Variants in NLRP14 observed in about 807,000 individuals in gnomAD.
NLRP14 encodes the protein NACHT, LRR and PYD domains-containing protein 14.
In NLRP14, 105 loss-of-function variants were observed where a neutral mutation model predicts 94.7. The observed-to-expected ratio is 1.11, with a 90% confidence interval of 0.95 to 1.30. The LOEUF is 1.30. NLRP14 is among the 50% of genes most tolerant of loss of function. The probability of loss-of-function intolerance (pLI) is 0.00; values close to 1 mark genes in which losing one functional copy is unlikely to be tolerated. For synonymous variants in NLRP14, 508 were observed against 459.9 expected (o/e 1.10, Z -1.34); for missense variants, 1,362 against 1,254.1 (o/e 1.09, Z -1.30).
intron 1 of NLRP14, among the ~76,000 whole-genome samples, chr11:7,027,189 C>G (rs1852028624): frequency 6.6e-6 from 1 of 151,420 alleles, no homozygotes; most frequent in Non-Finnish European, 1.5e-5. Context: ...TTCCCATCAT[C>G]AAGTATGCTG....
At chr11:7,086,481 C>T in the NLRP14 span, among the ~76,000 whole-genome samples, 1 of 152,210 alleles carries the variant, frequency 6.6e-6, no homozygotes, top group Non-Finnish European at 1.5e-5. Flanking sequence ...GTGTGGGCTT[C>T]AACAATCTTG....
the NLRP14 span, among the ~76,000 whole-genome samples, chr11:7,086,227 A>G: frequency 6.6e-6 from 1 of 152,220 alleles, no homozygotes; most frequent in Non-Finnish European, 1.5e-5. Flanking sequence ...GCTTTTGACA[A>G]TAACTATCCT....
At chr11:7,089,847 T>A in the NLRP14 span, 20 of 1,611,766 alleles carry the variant, frequency 1.2e-5, no homozygotes, top group East Asian at 4.5e-4. Flanking sequence ...CCACCGCGAT[T>A]ACGGCCACTC....
chr11:7,088,122 G>T, the NLRP14 span, among the ~76,000 whole-genome samples: 2 of 152,126 alleles, frequency 1.3e-5, no homozygotes, highest in Non-Finnish European at 2.9e-5. Context: ...AAATAAGAAA[G>T]AACTTTGTCC....
At chr11:7,077,558 A>G in the NLRP14 span, among the ~76,000 whole-genome samples, 1 of 152,372 alleles carries the variant, frequency 6.6e-6, no homozygotes, top group African/African-American at 2.4e-5. Flanking sequence ...GTCCGTTTTC[A>G]GGCTGCAGAT....
intron 1 of NLRP14, among the ~76,000 whole-genome samples, chr11:7,032,897 A>T (rs900490621): frequency 6.6e-6 from 1 of 152,176 alleles, no homozygotes; most frequent in African/African-American, 2.4e-5. Context: ...CCAAGTGTTC[A>T]CTCATGTAAA....
chr11:7,027,691 T>G (rs1314945212), intron 1 of NLRP14, among the ~76,000 whole-genome samples: 1 of 152,150 alleles, frequency 6.6e-6, no homozygotes, highest in Non-Finnish European at 1.5e-5. Context: ...CTTCCAGTCT[T>G]TTTTGGCCTA....
chr11:7,048,987 G>A (rs1411212216), intron 5 of NLRP14, among the ~76,000 whole-genome samples: 1 of 150,834 alleles, frequency 6.6e-6, no homozygotes, highest in Non-Finnish European at 1.5e-5. Flanking sequence ...ATTTTCCTGT[G>A]TGTACTTGCC....
At chr11:7,089,373 A>C in the NLRP14 span, 1 of 1,604,556 alleles carries the variant, frequency 6.2e-7, no homozygotes, top group Admixed American at 1.7e-5. Flanking sequence ...GGCCCAGGCC[A>C]CCAAACCGGC....
At chr11:7,055,217 G>C (rs142244782) in intron 6 of NLRP14, among the ~76,000 whole-genome samples, 1 of 152,010 alleles carries the variant, frequency 6.6e-6, no homozygotes, top group East Asian at 1.9e-4. Context: ...GATTCACCTT[G>C]GTTTAGAATA....
chr11:7,063,139 A>G (rs1374510937), intron 10 of NLRP14, among the ~76,000 whole-genome samples: 2 of 152,038 alleles, frequency 1.3e-5, no homozygotes, highest in African/African-American at 2.4e-5. Flanking sequence ...ATTTCCATTG[A>G]CTATATATTT....
chr11:7,075,428 C>T (rs771361875), downstream of NLRP14, among the ~76,000 whole-genome samples: 1 of 151,920 alleles, frequency 6.6e-6, no homozygotes, highest in Non-Finnish European at 1.5e-5. Context: ...GCAGAAAAAC[C>T]AATTATCTCA....
the NLRP14 span, among the ~76,000 whole-genome samples, chr11:7,084,302 G>A: frequency 6.6e-6 from 1 of 152,090 alleles, no homozygotes; most frequent in East Asian, 1.9e-4. Context: ...GTTTCTGCTC[G>A]CAGTTACTGA....
chr11:7,054,210 A>G lies in NLRP14; in HGVS notation c.2292-3467A>G, dbSNP rs149096139. 9.9e-4 allele frequency among the ~76,000 whole-genome samples: 151 copies of G among 152,180 alleles called. 2 individuals carry two copies. Among genetic ancestry groups the G allele is most frequent in the East Asian group, 7.7e-3 (40 of 5,188 alleles). ...ATTTTCTTTATCCATTCACCTTTTG[A>G]TGGACATTTAGGTTGCTTCCAAATC... On this transcript the variant is annotated intron_variant, in intron 6 of 11. Coordinates refer to ENST00000299481, the MANE Select transcript of NLRP14 (RefSeq NM_176822.4).
At chr11:7,067,081 A>G (rs531874625) in intron 10 of NLRP14, among the ~76,000 whole-genome samples, 3 of 152,282 alleles carry the variant, frequency 2.0e-5, no homozygotes, top group African/African-American at 4.8e-5. Flanking sequence ...TGGTACCAGT[A>G]CCATGCTGTT....
At position 7,035,814 on chromosome 11, in the gene NLRP14, G is replaced by A. The variant is rs548310044; in HGVS notation, c.-21-2752G>A. Among the ~76,000 whole-genome samples, 3 of 152,290 alleles carry A rather than the reference G, an allele frequency of 2.0e-5. No homozygotes were observed. In the South Asian group the frequency reaches 6.2e-4, roughly 32 times the overall value. ...TCTTCCTCTTCTAGTCTGGTGTTCA[G>A]CATAGGGTCTGCTATCACAGAGCAT... On this transcript the variant is annotated intron_variant, in intron 1 of 11. Transcript: ENST00000299481.
chr11:7,088,956 G>A, the NLRP14 span: 3 of 767,418 alleles, frequency 3.9e-6, no homozygotes, highest in Non-Finnish European at 6.3e-6. Context: ...ATCACAGGCA[G>A]CAGGGGCGCG....
intron 10 of NLRP14, 40 bp from the exon 11 acceptor site, chr11:7,070,246 G>A (rs770038582): frequency 2.7e-6 from 4 of 1,475,666 alleles, no homozygotes; most frequent in Admixed American, 1.7e-5. Context: ...TTGTGTCATC[G>A]AATAAATTCA....
At position 7,044,035 on chromosome 11, in the gene NLRP14, A is replaced by G. The variant is rs751880983; in HGVS notation, c.1958+51A>G. 1.1e-5 allele frequency: 17 copies of G among 1,567,202 alleles called. 1 individual carries two copies. Among genetic ancestry groups the G allele is most frequent in the South Asian group, 8.9e-5 (8 of 90,022 alleles). On this transcript the variant is annotated intron_variant, in intron 4 of 11. Coordinates refer to ENST00000299481, the MANE Select transcript of NLRP14 (RefSeq NM_176822.4). ...GAAGTGCCCTGTAAGGGAGAGACGT[A>G]GATATTTGTCAGAGGGAGGAGGCGT...
Sources: allele counts gnomAD v4.1 joint callset (sites outside exome capture counted in the v4.1 genomes callset), GRCh38; gene constraint gnomAD v4.1.1; transcripts MANE v1.5; gene names NCBI Gene and HGNC (gene_info 2026-07-23, HGNC 2026-07-21).